The following NLGN1 variants were observed in gnomAD, a reference collection of about 807,000 sequenced individuals.
The protein encoded by NLGN1 is neuroligin-1.
A neutral mutation model predicts 65.5 loss-of-function variants in NLGN1; 12 were observed. The ratio of observed to expected loss-of-function variants is 0.18; its 90% confidence interval spans 0.12 to 0.30. The LOEUF (loss-of-function observed/expected upper bound fraction) is 0.30, where lower values mean the gene tolerates loss of function less well. Among genes scored for constraint, NLGN1 ranks in the 10% least tolerant of loss-of-function variants. The pLI is 1.00. For missense variants in NLGN1, 750 were observed against 1,007.1 expected (o/e 0.74, Z 3.46); for synonymous variants, 350 against 359.5 (o/e 0.97, Z 0.30).
intron 3 of NLGN1, among the ~76,000 whole-genome samples, chr3:173,711,361 A>G (rs1308452771): frequency 6.6e-6 from 1 of 152,208 alleles, no homozygotes; most frequent in African/African-American, 2.4e-5. Context: ...GAAGTAGGAC[A>G]ATAAACCAAG....
chr3:174,057,474 T>A (rs865869245), intron 4 of NLGN1, among the ~76,000 whole-genome samples: 1 of 152,006 alleles, frequency 6.6e-6, no homozygotes. Flanking sequence ...AAAAACAAAA[T>A]CTTCCAGCAA....
intron 2 of NLGN1, among the ~76,000 whole-genome samples, chr3:173,446,074 T>C (rs1467665308): frequency 1.3e-4 from 19 of 151,638 alleles, no homozygotes; most frequent in Admixed American, 5.3e-4. Context: ...TTTTTTTTAC[T>C]ATTATTATAC....
intron 3 of NLGN1, among the ~76,000 whole-genome samples, chr3:173,740,934 G>A (rs555148202): frequency 6.6e-6 from 1 of 152,272 alleles, no homozygotes; most frequent in Non-Finnish European, 1.5e-5. Context: ...ACTATCTTCT[G>A]TGACAATTTC....
intron 3 of NLGN1, among the ~76,000 whole-genome samples, chr3:173,624,174 T>G (rs1464543047): frequency 6.6e-6 from 1 of 152,152 alleles, no homozygotes; most frequent in Non-Finnish European, 1.5e-5. Context: ...GGCCTCAGTT[T>G]TCACTTGTGT....
At chr3:173,490,308 A>G (rs923469599) in intron 2 of NLGN1, among the ~76,000 whole-genome samples, 1 of 152,172 alleles carries the variant, frequency 6.6e-6, no homozygotes, top group Non-Finnish European at 1.5e-5. Flanking sequence ...AGCTTTCTAC[A>G]TATGGCTAGC....
chr3:173,974,645 TG>T (rs774435788), intron 4 of NLGN1, among the ~76,000 whole-genome samples: 2 of 151,936 alleles, frequency 1.3e-5, no homozygotes, highest in African/African-American at 2.4e-5. Flanking sequence ...TGATTACTTT[TG>T]GGGGGGTGCT....
chr3:173,515,542 A>G (rs1336858071), intron 2 of NLGN1, among the ~76,000 whole-genome samples: 1 of 152,074 alleles, frequency 6.6e-6, no homozygotes, highest in African/African-American at 2.4e-5. Flanking sequence ...TTTGGTGTCA[A>G]CATTCATCAA....
intron 4 of NLGN1, among the ~76,000 whole-genome samples, chr3:174,140,297 G>T (rs1046549846): frequency 6.6e-6 from 1 of 151,842 alleles, no homozygotes; most frequent in Non-Finnish European, 1.5e-5. Flanking sequence ...CCTAGAGTTA[G>T]GTTTTAGTAG....
intron 3 of NLGN1, among the ~76,000 whole-genome samples, chr3:173,682,914 A>T (rs1000710322): frequency 7.2e-5 from 11 of 152,324 alleles, no homozygotes; most frequent in African/African-American, 2.4e-4. Flanking sequence ...GAAGAAAGCC[A>T]CCAAAGCTAT....
chr3:173,785,494 G>A (rs1407817693), intron 3 of NLGN1, among the ~76,000 whole-genome samples: 1 of 152,088 alleles, frequency 6.6e-6, no homozygotes, highest in Non-Finnish European at 1.5e-5. Context: ...CAAGATAGTA[G>A]GGTGGGCATT....
intron 4 of NLGN1, among the ~76,000 whole-genome samples, chr3:174,059,361 G>A (rs547172026): frequency 2.6e-5 from 4 of 152,192 alleles, no homozygotes; most frequent in East Asian, 3.9e-4. Flanking sequence ...TTAGAATTCC[G>A]TTCAACAGTG....
chr3:173,498,716 T>C (rs966830327), intron 2 of NLGN1, among the ~76,000 whole-genome samples: 1 of 151,886 alleles, frequency 6.6e-6, no homozygotes, highest in African/African-American at 2.4e-5. Context: ...CCAGCACCTA[T>C]TGTTTCCTGA....
chr3:173,769,468 T>C (rs546832579), intron 3 of NLGN1, among the ~76,000 whole-genome samples: 2 of 152,320 alleles, frequency 1.3e-5, no homozygotes, highest in African/African-American at 4.8e-5. Flanking sequence ...TCATAGCCGA[T>C]TTACCTCAGG....
At chr3:174,043,014 G>A (rs1032625451) in intron 4 of NLGN1, among the ~76,000 whole-genome samples, 7 of 152,188 alleles carry the variant, frequency 4.6e-5, no homozygotes, top group East Asian at 3.8e-4. Flanking sequence ...ATGGTGGAAA[G>A]CACCTCGTCA....
At chr3:174,166,374 A>G (rs141896966) in intron 4 of NLGN1, among the ~76,000 whole-genome samples, 1 of 152,044 alleles carries the variant, frequency 6.6e-6, no homozygotes, top group African/African-American at 2.4e-5. Flanking sequence ...TGTATCAGAG[A>G]CCTTTTGGTA....
chr3:173,820,456 A>G (rs1236270358), intron 4 of NLGN1, among the ~76,000 whole-genome samples: 1 of 152,140 alleles, frequency 6.6e-6, no homozygotes, highest in Non-Finnish European at 1.5e-5. Context: ...CTACTTTTTG[A>G]ATTAAAATGC....
intron 2 of NLGN1, among the ~76,000 whole-genome samples, chr3:173,518,425 GTAAC>G (rs775995299): frequency 7.3e-5 from 11 of 150,612 alleles, no homozygotes; most frequent in Non-Finnish European, 1.3e-4. Flanking sequence ...TACATTTACT[GTAAC>G]TAATTATATG....
At chr3:174,010,828 C>A (rs291926) in intron 4 of NLGN1, among the ~76,000 whole-genome samples, 4 of 152,206 alleles carry the variant, frequency 2.6e-5, no homozygotes, top group East Asian at 1.9e-4. Context: ...AATGTAAAAG[C>A]CTAGAAAAAT....
At chr3:173,618,954 T>C (rs2149495186) in intron 3 of NLGN1, among the ~76,000 whole-genome samples, 1 of 152,292 alleles carries the variant, frequency 6.6e-6, no homozygotes, top group South Asian at 2.1e-4. Flanking sequence ...GCTGGTAGTC[T>C]GTGCAGTCCG....
Sources: gnomAD v4.1 joint callset for allele counts (sites outside exome capture counted in the v4.1 genomes callset) on GRCh38, gnomAD v4.1.1 for gene constraint, MANE v1.5 for transcripts, NCBI Gene and HGNC (gene_info 2026-07-23, HGNC 2026-07-21) for gene names.